The following CDC23 variants were observed in gnomAD, a reference collection of about 807,000 sequenced individuals.
CDC23 encodes cell division cycle 23.
In CDC23, 26 loss-of-function variants were observed where a neutral mutation model predicts 81.7. The observed-to-expected ratio is 0.32, with a 90% CI of 0.23 to 0.44. CDC23 has a LOEUF of 0.44. CDC23 is among the 20% of genes least tolerant of loss of function. The pLI is 1.00. For synonymous variants in CDC23, 267 were observed against 270.8 expected, an observed-to-expected ratio of 0.99 and a Z score of 0.14; for missense variants, 519 against 728.0, an observed-to-expected ratio of 0.71 and a Z score of 3.30.
At chr5:138,191,361 A>C (rs552858260) in intron 13 of CDC23, 113 bp downstream of exon 13, 2 of 903,296 alleles carry the variant, frequency 2.2e-6, no homozygotes, top group South Asian at 1.3e-5. Flanking sequence ...ACCCTGCTAC[A>C]TCCCTACACC....
chr5:138,204,765 G>A (rs370611723), intron 3 of CDC23, among the ~76,000 whole-genome samples: 3 of 150,822 alleles, frequency 2.0e-5, no homozygotes, highest in South Asian at 2.1e-4. Context: ...GACTACAGGC[G>A]CTCGCCACTG....
At chr5:138,190,475 A>G (rs1320709755) in intron 13 of CDC23, among the ~76,000 whole-genome samples, 2 of 151,444 alleles carry the variant, frequency 1.3e-5, no homozygotes, top group South Asian at 2.1e-4. Flanking sequence ...AGAAAAAAAA[A>G]AAAAAAAGCT....
chr5:138,213,225 G>C lies in CDC23; in HGVS notation c.88C>G (p.Arg30Gly), dbSNP rs768299490. The change falls in exon 1 of 16, where the codon CGG becomes GGG. Residue 30 changes from arginine (R) to glycine (G), a missense_variant. Physicochemically the swap from Arg to Gly is moderately radical, Grantham distance 125. Transcript: ENST00000394886. ...LSINSDFSDL[R>G]EIKKQLLLIA... is the part of the protein sequence containing the mutation. ...AGCAGCAGTTGCTTTTTAATTTCCC[G>C]CAAATCTGAGAAATCGCTGTTTATG... 6 of 1,614,094 alleles carry C rather than the reference G, an allele frequency of 3.7e-6. No homozygotes were observed. In the Admixed American group the frequency reaches 1.0e-4, roughly 27 times the overall value.
At chr5:138,202,912 T>A (rs1457327750) in intron 3 of CDC23, among the ~76,000 whole-genome samples, 3 of 152,196 alleles carry the variant, frequency 2.0e-5, no homozygotes, top group Admixed American at 2.0e-4. Flanking sequence ...GATATCTGCA[T>A]GGTCTTAAAA....
intron 2 of CDC23, among the ~76,000 whole-genome samples, chr5:138,210,847 A>G (rs1161731746): frequency 6.6e-6 from 1 of 152,226 alleles, no homozygotes; most frequent in Non-Finnish European, 1.5e-5. Context: ...CTACTTCTCA[A>G]TAAATATGCT....
intron 2 of CDC23, among the ~76,000 whole-genome samples, chr5:138,208,618 T>C (rs143062627): frequency 2.0e-5 from 3 of 152,332 alleles, no homozygotes; most frequent in African/African-American, 4.8e-5. Context: ...ATGCATACTA[T>C]AGGCCCAGCA....
In CDC23 at chr5:138,213,294, T is replaced by C. The variant is rs143830444; in HGVS notation, c.19A>G (p.Met7Val). 28 of 1,613,386 alleles carry C rather than the reference T, an allele frequency of 1.7e-5. 1 individual carries two copies. The Admixed American group carries it at 2.5e-4, about 14-fold the overall frequency. MAASTSMVPVAVTAAVA... is the reference protein window; with the variant it reads MAASTSVVPVAVTAAVA... ...GCCGCCGTCACAGCCACCGGGACCA[T>C]GGAGGTACTCGCAGCCATTTTCCCG... The change falls in exon 1 of 16, where the codon ATG (methionine) becomes GTG (valine). Residue 7 changes from methionine (M) to valine (V), a missense_variant. Physicochemically the swap from Met to Val is conservative, Grantham distance 21. Coordinates refer to ENST00000394886, the MANE Select transcript of CDC23 (RefSeq NM_004661.4).
intron 11 of CDC23, 60 bp downstream of exon 11, chr5:138,192,209 A>C: frequency 6.3e-7 from 1 of 1,599,700 alleles, no homozygotes; most frequent in Admixed American, 1.7e-5. Context: ...CTATCAAAAG[A>C]GGAAAAAAAA....
chr5:138,202,192 T>A, intron 3 of CDC23, 37 bp from the exon 4 acceptor site: 1 of 1,543,366 alleles, frequency 6.5e-7, no homozygotes, highest in Non-Finnish European at 8.9e-7. Flanking sequence ...CTTTTTTCAG[T>A]TTATTCTAAA....
chr5:138,209,653 C>T (rs1472408777), intron 2 of CDC23, among the ~76,000 whole-genome samples: 2 of 151,084 alleles, frequency 1.3e-5, no homozygotes, highest in Non-Finnish European at 3.0e-5. Flanking sequence ...GGTGAAACCT[C>T]GTCTCTGTTA....
At chr5:138,213,107 A>G in intron 1 of CDC23, 44 bp from the exon 2 acceptor site, 1 of 1,613,914 alleles carries the variant, frequency 6.2e-7, no homozygotes, top group Non-Finnish European at 8.5e-7. Flanking sequence ...AAGCCCCCCA[A>G]GGCCAAGGAT....
At chr5:138,190,937 T>C (rs948506002) in intron 13 of CDC23, among the ~76,000 whole-genome samples, 3 of 152,106 alleles carry the variant, frequency 2.0e-5, no homozygotes, top group African/African-American at 7.2e-5. Context: ...GGAACCTCTT[T>C]ACATTTAAGA....
intron 9 of CDC23, among the ~76,000 whole-genome samples, chr5:138,193,729 C>T (rs1018598056): frequency 7.3e-5 from 11 of 151,584 alleles, no homozygotes; most frequent in Admixed American, 3.3e-4. Context: ...GAGGCTAAGG[C>T]GGGCGGATCA....
rs755320079 is a variant in CDC23 at position 138,198,191 on chromosome 5, A to C, written c.1012+8T>G. Reference sequence around the variant, plus strand: ...AATCTTAAAAGAAAAAATGTAGTTAATTCTTACCAATTACACAGCACGTTT... The same window carrying C: ...AATCTTAAAAGAAAAAATGTAGTTACTTCTTACCAATTACACAGCACGTTT... On this transcript the variant is annotated splice_region_variant and intron_variant, in intron 9 of 15. Coordinates refer to ENST00000394886, the MANE Select transcript of CDC23 (RefSeq NM_004661.4). The C allele has an allele frequency of 1.9e-5, 30 of 1,591,420 alleles. No individual in the cohort carries two copies. The Admixed American group carries it at 2.2e-4, about 12-fold the overall frequency.
intron 2 of CDC23, 152 bp downstream of exon 2, chr5:138,212,839 T>C: frequency 1.6e-6 from 1 of 621,882 alleles, no homozygotes; most frequent in Non-Finnish European, 2.9e-6. Flanking sequence ...ATGGATAAAA[T>C]CATTTAAAAC....
chr5:138,200,895 T>C (rs1019925217), intron 6 of CDC23: 2 of 547,594 alleles, frequency 3.7e-6, no homozygotes, highest in African/African-American at 1.9e-5. Flanking sequence ...CTAGTATAAC[T>C]GGATACAAAT....
chr5:138,193,146 A>T (rs2906124), intron 9 of CDC23, among the ~76,000 whole-genome samples: 51,883 of 152,068 alleles, frequency 0.34, 9,076 homozygotes, highest in South Asian at 0.43. Flanking sequence ...CAGGGTGGTC[A>T]CAAACTCCTG....
chr5:138,203,209 A>C (rs895304861), intron 3 of CDC23, among the ~76,000 whole-genome samples: 1 of 152,238 alleles, frequency 6.6e-6, no homozygotes, highest in African/African-American at 2.4e-5. Context: ...AAAGAAGTCA[A>C]ACCCACAGAA....
At chr5:138,204,392 C>T (rs1023366060) in intron 3 of CDC23, among the ~76,000 whole-genome samples, 1 of 151,282 alleles carries the variant, frequency 6.6e-6, no homozygotes, top group Non-Finnish European at 1.5e-5. Context: ...GTAGTCCCAG[C>T]TACTTGGGAG....
Sources: allele counts gnomAD v4.1 joint callset (sites outside exome capture counted in the v4.1 genomes callset), GRCh38; gene constraint gnomAD v4.1.1; transcripts MANE v1.5; gene names NCBI Gene and HGNC (gene_info 2026-07-23, HGNC 2026-07-21).